ERCC4: variants seen among roughly 807,000 people sequenced by gnomAD.
ERCC4 encodes the protein DNA repair endonuclease XPF.
In ERCC4, 65 loss-of-function variants were observed where a neutral mutation model predicts 76.9. The observed-to-expected ratio is 0.84, with a 90% CI of 0.69 to 1.04. The LOEUF (loss-of-function observed/expected upper bound fraction) is 1.04, where lower values mean the gene tolerates loss of function less well. Ranked by LOEUF, ERCC4 falls within the 50% of genes least tolerant of loss-of-function variation. The pLI, the probability that ERCC4 is intolerant of heterozygous loss-of-function variation, is 0.00. For synonymous variants in ERCC4, 463 were observed against 410.1 expected (o/e 1.13, Z -1.56); for missense variants, 1,214 against 1,128.2 (o/e 1.08, Z -1.09).
At position 13,927,633 on chromosome 16, in the gene ERCC4, A is replaced by G. The variant is rs181193553; in HGVS notation, c.585-395A>G. 7.3e-5 allele frequency: 14 copies of G among 192,594 alleles called. No homozygotes were observed. The East Asian group carries it at 1.9e-3, about 26-fold the overall frequency. 11.9% of individuals were successfully genotyped at this position (192,594 alleles called of 1,614,324 possible). Reference sequence around the variant, plus strand: ...ATTATACCTTGTTTTAGGAGTCAACAAACTCTTCATGTAAATGGCCAGGTA... The same window carrying G: ...ATTATACCTTGTTTTAGGAGTCAACGAACTCTTCATGTAAATGGCCAGGTA... On this transcript the variant is annotated intron_variant, in intron 3 of 10. Coordinates refer to ENST00000311895, the MANE Select transcript of ERCC4 (RefSeq NM_005236.3).
chr16:13,934,577 G>A, intron 7 of ERCC4: 2 of 398,844 alleles, frequency 5.0e-6, no homozygotes, highest in South Asian at 2.6e-5. Context: ...TAAACTAGTT[G>A]GGTTCTTAGA....
chr16:13,948,741 T>TA lies in ERCC4; in HGVS notation c.*395dup. On this transcript the variant is annotated 3_prime_UTR_variant, in exon 11 of 11. Coordinates refer to ENST00000311895, the MANE Select transcript of ERCC4 (RefSeq NM_005236.3). Reference sequence around the variant, plus strand: ...GGGAAAAGAGCAGGCACAAGAAAGCTACCATTTTTAACAGTCCTTGTTATC... The same window carrying TA: ...GGGAAAAGAGCAGGCACAAGAAAGCTAACCATTTTTAACAGTCCTTGTTATC... 4.3e-6 allele frequency: 1 copy of TA among 235,074 alleles called. No homozygotes were observed. Among genetic ancestry groups the TA allele is most frequent in the Non-Finnish European group, 8.4e-6 (1 of 119,560 alleles). The allele number at this position is 235,074 out of a possible 1,614,324, so 14.6% of individuals were successfully genotyped here.
rs946757386 is a variant in ERCC4 at position 13,929,193 on chromosome 16, C to T, written c.792+958C>T. ...CACTGAATTTCTGTTGATTATCCCC[C>T]GGTTAGTAACAGTCACTTCATTGTT... On this transcript the variant is annotated intron_variant, in intron 4 of 10. Coordinates refer to ENST00000311895, the MANE Select transcript of ERCC4 (RefSeq NM_005236.3). 7.2e-5 allele frequency among the ~76,000 whole-genome samples: 11 copies of T among 152,168 alleles called. No individual in the cohort carries two copies. In the East Asian group the frequency reaches 7.7e-4, roughly 11 times the overall value.
intron 6 of ERCC4, chr16:13,932,490 G>C: frequency 1.6e-6 from 1 of 606,566 alleles, no homozygotes; most frequent in South Asian, 2.1e-5. Context: ...GAAGTATACA[G>C]CATGGCAAGT....
At chr16:13,938,933 TG>T (rs1322019511) in intron 9 of ERCC4, among the ~76,000 whole-genome samples, 1 of 152,200 alleles carries the variant, frequency 6.6e-6, no homozygotes, top group Non-Finnish European at 1.5e-5. Flanking sequence ...GCATGGTGCA[TG>T]GGCGGTCCCC....
intron 2 of ERCC4, chr16:13,922,608 C>G (rs1056251331): frequency 6.4e-6 from 4 of 622,996 alleles, no homozygotes; most frequent in African/African-American, 1.8e-5. Flanking sequence ...AGGCACAGTT[C>G]GTGCAGCAAA....
At position 13,951,446 on chromosome 16, in the gene ERCC4, A is replaced by G. The variant is rs1004464392; in HGVS notation, c.*3099A>G. Reference sequence around the variant, plus strand: ...TTTAAATCATGGTGCCTCTTTTGATACTTTCTTAAAATTGTGCAAGAAGAA... The same window carrying G: ...TTTAAATCATGGTGCCTCTTTTGATGCTTTCTTAAAATTGTGCAAGAAGAA... On this transcript the variant is annotated 3_prime_UTR_variant, in exon 11 of 11. Coordinates refer to ENST00000311895, the MANE Select transcript of ERCC4 (RefSeq NM_005236.3). 1.9e-5 allele frequency: 4 copies of G among 205,482 alleles called. No homozygotes were observed. In the East Asian group the frequency reaches 3.0e-4, roughly 15 times the overall value. 12.7% of individuals were successfully genotyped at this position (205,482 alleles called of 1,614,324 possible).
intron 3 of ERCC4, among the ~76,000 whole-genome samples, chr16:13,927,069 C>T (rs2032086185): frequency 1.3e-5 from 2 of 152,316 alleles, no homozygotes; most frequent in South Asian, 4.1e-4. Context: ...CCCACATATA[C>T]AACAGCTTTA....
intron 2 of ERCC4, among the ~76,000 whole-genome samples, chr16:13,926,180 C>T (rs2032068757): frequency 6.6e-6 from 1 of 152,076 alleles, no homozygotes; most frequent in South Asian, 2.1e-4. Context: ...ATGCCAGAAA[C>T]ACCCCACCCC....
At chr16:13,937,206 G>A (rs3136160) in intron 8 of ERCC4, among the ~76,000 whole-genome samples, 62,292 of 151,184 alleles carry the variant, frequency 0.41, 14,451 homozygotes, top group African/African-American at 0.63. Flanking sequence ...GTGAGCCACC[G>A]TGCCCAGCCT....
Position 13,944,514 on chromosome 16 carries a change from G to T in ERCC4, c.1905-209G>T, listed in dbSNP as rs951540102. On this transcript the variant is annotated intron_variant, in intron 9 of 10. Coordinates refer to ENST00000311895, the MANE Select transcript of ERCC4 (RefSeq NM_005236.3). ...TCTGGAAAATCAAGAAGTAGTATCC[G>T]ACCAAGGCACTTTTTACTGACTTTT... Among the ~76,000 whole-genome samples the T allele has an allele frequency of 2.0e-5, 3 of 151,960 alleles. No homozygotes were observed. In the East Asian group the frequency reaches 5.8e-4, roughly 29 times the overall value.
chr16:13,920,648 T>G (rs1050439153), intron 1 of ERCC4, among the ~76,000 whole-genome samples: 3 of 151,892 alleles, frequency 2.0e-5, no homozygotes, highest in Non-Finnish European at 4.4e-5. Context: ...CCGAGAAGGC[T>G]GCAGGTCCCT....
intron 3 of ERCC4, 49 bp downstream of exon 3, chr16:13,926,805 G>T (rs2032081934): frequency 7.1e-7 from 1 of 1,404,290 alleles, no homozygotes; most frequent in Admixed American, 1.7e-5. Flanking sequence ...TGTCATCTTT[G>T]TTTGTGAGAT....
At position 13,930,797 on chromosome 16, in the gene ERCC4, T is replaced by C. The variant is rs1702289916; in HGVS notation, c.880T>C (p.Leu294=). ...TCAGGATTTGAAGATATTACGAACT[T>C]TGCTGCAGTATCTCTCTCAGTATGA... ...LVQDLKILRT[L]LQYLSQYDCV... Residue 294 remains leucine, a synonymous_variant, in exon 5 of 11, where the codon TTG becomes CTG. Coordinates refer to ENST00000311895, the MANE Select transcript of ERCC4 (RefSeq NM_005236.3). 6.2e-7 allele frequency: 1 copy of C among 1,611,752 alleles called. No individual in the cohort carries two copies. The highest frequency in any genetic ancestry group is 8.5e-7 in the Non-Finnish European group (1 of 1,177,878).
chr16:13,945,245 C>T (rs1443040931), intron 10 of ERCC4, among the ~76,000 whole-genome samples: 4 of 152,176 alleles, frequency 2.6e-5, no homozygotes, highest in Admixed American at 2.0e-4. Flanking sequence ...CCTCCTCTGC[C>T]TCTCCCCTTA....
At chr16:13,940,500 T>C (rs1393834514) in intron 9 of ERCC4, among the ~76,000 whole-genome samples, 1 of 152,090 alleles carries the variant, frequency 6.6e-6, no homozygotes, top group African/African-American at 2.4e-5. Flanking sequence ...TGGAGTCACA[T>C]GGATGTGCTG....
intron 3 of ERCC4, chr16:13,927,419 C>T (rs113015597): frequency 0.027 from 4,323 of 157,778 alleles, 205 homozygotes; most frequent in African/African-American, 0.099. Context: ...ATTAGCCAGG[C>T]GTGTTGGCAC....
At position 13,938,008 on chromosome 16, in the gene ERCC4, C is replaced by T. The variant is rs1406580056; in HGVS notation, c.1904+150C>T. The T allele has an allele frequency of 4.6e-6, 3 of 650,442 alleles. No individual in the cohort carries two copies. In the African/African-American group the frequency reaches 5.4e-5, roughly 12 times the overall value. 40.3% of individuals were successfully genotyped at this position (650,442 alleles called of 1,614,324 possible). On this transcript the variant is annotated intron_variant, in intron 9 of 10. Coordinates refer to ENST00000311895, the MANE Select transcript of ERCC4 (RefSeq NM_005236.3). ...TAAACCTGTGGTCTGAATTGTCCTC[C>T]AGTGTAGATCTCAGCACATACTTCC... is the stretch of plus-strand genomic sequence containing the variant.
At chr16:13,944,965 G>T in intron 10 of ERCC4, 130 bp downstream of exon 10, 1 of 645,504 alleles carries the variant, frequency 1.5e-6, no homozygotes. Flanking sequence ...AGGAGAGGAT[G>T]TGTACTTCCC....
Sources: allele counts gnomAD v4.1 joint callset (sites outside exome capture counted in the v4.1 genomes callset), GRCh38; gene constraint gnomAD v4.1.1; transcripts MANE v1.5; gene names NCBI Gene and HGNC (gene_info 2026-07-23, HGNC 2026-07-21).